The following TNS3 variants were observed in gnomAD, a reference collection of about 807,000 sequenced individuals.
TNS3 encodes tensin 3.
Under a neutral mutation model 140.9 loss-of-function variants are expected in TNS3, and 45 were observed. The observed-to-expected ratio is 0.32, with a 90% confidence interval of 0.25 to 0.41. The LOEUF (loss-of-function observed/expected upper bound fraction) is 0.41, where lower values mean the gene tolerates loss of function less well. Among genes scored for constraint, TNS3 ranks in the 10% least tolerant of loss-of-function variants. TNS3 has a pLI of 1.00. For missense variants in TNS3, 1,716 were observed against 1,906.7 expected, an observed-to-expected ratio of 0.90 and a Z score of 1.86; for synonymous variants, 815 against 788.4, an observed-to-expected ratio of 1.03 and a Z score of -0.56.
intron 1 of TNS3, among the ~76,000 whole-genome samples, chr7:47,562,924 C>G (rs1030982216): frequency 6.6e-6 from 1 of 152,202 alleles, no homozygotes; most frequent in Admixed American, 6.5e-5. Context: ...GGTTTCAGGA[C>G]AACTCCATGA....
chr7:47,330,027 G>A (rs1788246286), intron 20 of TNS3, among the ~76,000 whole-genome samples: 1 of 152,194 alleles, frequency 6.6e-6, no homozygotes. Flanking sequence ...CAGCTGCAGT[G>A]CCAGGGACTA....
At chr7:47,299,301 C>G (rs55898155) in intron 23 of TNS3, among the ~76,000 whole-genome samples, 1 of 151,970 alleles carries the variant, frequency 6.6e-6, no homozygotes, top group Admixed American at 6.6e-5. Flanking sequence ...CCACACCCAG[C>G]TAATTTTTAA....
At chr7:47,417,252 C>T (rs1246805464) in intron 10 of TNS3, among the ~76,000 whole-genome samples, 1 of 152,226 alleles carries the variant, frequency 6.6e-6, no homozygotes, top group Non-Finnish European at 1.5e-5. Context: ...AAACCATGGC[C>T]TCTCCCTGAC....
At position 47,278,423 on chromosome 7, in the gene TNS3, T is replaced by C. The variant is rs576596719; in HGVS notation, c.4194-203A>G. The C allele has an allele frequency of 1.5e-4, 92 of 595,936 alleles. 1 individual carries two copies. Among genetic ancestry groups the C allele is most frequent in the South Asian group, 9.2e-4 (42 of 45,740 alleles). 36.9% of individuals were successfully genotyped at this position (595,936 alleles called of 1,614,324 possible). ...GACCTACAGATGGGATGTCTGACTCTAGCTCTGCAGTGAGGACCCTGAGGC... is the reference window on the plus strand; with the variant it reads ...GACCTACAGATGGGATGTCTGACTCCAGCTCTGCAGTGAGGACCCTGAGGC... On this transcript the variant is annotated intron_variant, in intron 30 of 30. Transcript: ENST00000311160.
intron 8 of TNS3, among the ~76,000 whole-genome samples, 182 bp from the exon 9 acceptor site, chr7:47,428,558 A>G (rs1268883455): frequency 6.6e-6 from 1 of 152,208 alleles, no homozygotes; most frequent in Admixed American, 6.6e-5. Context: ...AGTCTCTGCA[A>G]CAGGGAACCC....
Position 47,283,744 on chromosome 7 carries a change from G to A in TNS3, c.4050C>T (p.His1350=). 2 of 1,608,034 alleles carry A rather than the reference G, an allele frequency of 1.2e-6. No individual in the cohort carries two copies. The highest frequency in any genetic ancestry group is 1.1e-5 in the South Asian group (1 of 90,128). The change falls in exon 28 of 31, where the codon CAC becomes CAT. Residue 1350 remains histidine (H), a synonymous_variant. Transcript: ENST00000311160. ...TGATGCCCTGGGCTGACACCTTGAA[G>A]TGCACAACTGTGGACACAGGTGGAG... ...QEPPPVSTVV[H]FKVSAQGITL...
intron 16 of TNS3, among the ~76,000 whole-genome samples, chr7:47,390,362 G>A (rs1792439964): frequency 6.6e-6 from 1 of 152,220 alleles, no homozygotes; most frequent in South Asian, 2.1e-4. Context: ...GCACACTGCA[G>A]CCAGCACTTC....
chr7:47,326,192 A>G (rs1788016818), intron 20 of TNS3, among the ~76,000 whole-genome samples: 1 of 152,228 alleles, frequency 6.6e-6, no homozygotes, highest in South Asian at 2.1e-4. Flanking sequence ...AGTGCCTACT[A>G]TACACCAGGC....
chr7:47,395,474 G>A (rs1020017598), intron 16 of TNS3, among the ~76,000 whole-genome samples: 1 of 152,158 alleles, frequency 6.6e-6, no homozygotes, highest in Admixed American at 6.5e-5. Context: ...AGACGTTACT[G>A]GAAAAAGAGC....
chr7:47,278,367 C>A, intron 30 of TNS3, 147 bp from the exon 31 acceptor site: 1 of 848,026 alleles, frequency 1.2e-6, no homozygotes, highest in Non-Finnish European at 1.8e-6. Flanking sequence ...TGCTGGCCAC[C>A]TGTTCATGCA....
At chr7:47,360,192 C>A (rs868365005) in intron 17 of TNS3, among the ~76,000 whole-genome samples, 1 of 152,216 alleles carries the variant, frequency 6.6e-6, no homozygotes, top group Non-Finnish European at 1.5e-5. Flanking sequence ...GAGCTCCCTG[C>A]AGTGCAGTGG....
intron 23 of TNS3, among the ~76,000 whole-genome samples, chr7:47,300,147 A>G (rs1183415708): frequency 2.0e-5 from 3 of 152,154 alleles, no homozygotes; most frequent in African/African-American, 7.2e-5. Flanking sequence ...ATGTCATTGT[A>G]GCTTTTCTAG....
Position 47,297,144 on chromosome 7 carries a change from G to GC in TNS3, c.3613dup (p.Ala1205GlyfsTer28). The GC allele has an allele frequency of 6.2e-7, 1 of 1,614,020 alleles. No individual in the cohort carries two copies. On this transcript the variant is annotated frameshift_variant, in exon 24 of 31. Coordinates refer to ENST00000311160, the MANE Select transcript of TNS3 (RefSeq NM_022748.12). LOFTEE classifies it high-confidence loss of function. ...GGCCACCTTCATGGCCAGGCCATAGGCCCCTCGGAAGGAATGGCTGTCTCG... is the reference window on the plus strand; with the variant it reads ...GGCCACCTTCATGGCCAGGCCATAGGCCCCCTCGGAAGGAATGGCTGTCTCG...
chr7:47,342,308 C>G (rs1010144302), intron 20 of TNS3, among the ~76,000 whole-genome samples: 2 of 152,160 alleles, frequency 1.3e-5, no homozygotes, highest in Non-Finnish European at 2.9e-5. Flanking sequence ...GGAAGTGAAG[C>G]CTCTCCCTAA....
intron 3 of TNS3, 95 bp downstream of exon 3, chr7:47,506,812 G>A (rs1344827122): frequency 1.2e-5 from 12 of 964,020 alleles, no homozygotes; most frequent in East Asian, 6.2e-5. Context: ...TTTTCTTTCC[G>A]TGGCTGCAGT....
chr7:47,377,795 C>T (rs1156499839), intron 16 of TNS3, among the ~76,000 whole-genome samples: 8 of 149,596 alleles, frequency 5.3e-5, no homozygotes. Context: ...TCCCCCATGC[C>T]CTCCTCCCCC....
intron 13 of TNS3, 92 bp downstream of exon 13, chr7:47,411,635 G>A: frequency 7.4e-7 from 1 of 1,354,748 alleles, no homozygotes; most frequent in Admixed American, 2.2e-5. Flanking sequence ...TGGGGGTGAG[G>A]GTTACTGTTT....
intron 1 of TNS3, chr7:47,579,449 C>T (rs975585589): frequency 4.6e-5 from 7 of 152,152 alleles, no homozygotes; most frequent in African/African-American, 7.2e-5. Context: ...CTATGGGGGC[C>T]GCTGTGAGGA....
intron 17 of TNS3, among the ~76,000 whole-genome samples, chr7:47,352,099 C>T (rs1291585093): frequency 3.1e-5 from 4 of 127,560 alleles, no homozygotes; most frequent in Non-Finnish European, 6.9e-5. Context: ...CACACACCTG[C>T]ATACTTCACA....
Sources: gnomAD v4.1 joint callset for allele counts (sites outside exome capture counted in the v4.1 genomes callset) on GRCh38, gnomAD v4.1.1 for gene constraint, MANE v1.5 for transcripts, NCBI Gene and HGNC (gene_info 2026-07-23, HGNC 2026-07-21) for gene names.